Variants in DOCK11 observed in about 807,000 individuals in gnomAD.
DOCK11 encodes dedicator of cytokinesis 11, also known as dedicator of cytokinesis protein 11.
Under a neutral mutation model 169.1 loss-of-function variants are expected in DOCK11, and 70 were observed. The ratio of observed to expected loss-of-function variants is 0.41; its 90% confidence interval spans 0.34 to 0.51. The LOEUF is 0.51. Ranked by LOEUF, DOCK11 falls within the 20% of genes least tolerant of loss-of-function variation. The pLI is 0.10. For missense variants in DOCK11, 1,166 were observed against 1,538.8 expected (o/e 0.76, Z 4.05); for synonymous variants, 529 against 541.3 (o/e 0.98, Z 0.32).
intron 1 of DOCK11, among the ~76,000 whole-genome samples, chrX:118,528,017 G>T (rs143977380): frequency 8.9e-6 from 1 of 112,682 alleles, no homozygotes; most frequent in Non-Finnish European, 1.9e-5. Flanking sequence ...CATGTTGTTG[G>T]CATCATTGTG....
chrX:118,668,467 T>A (rs1451448577), intron 45 of DOCK11, among the ~76,000 whole-genome samples: 1 of 111,424 alleles, frequency 9.0e-6, no homozygotes, highest in Admixed American at 9.6e-5. Context: ...GTGCACCTTA[T>A]TTTTAATTCC....
chrX:118,645,038 A>T (rs1378679170), intron 40 of DOCK11, among the ~76,000 whole-genome samples: 1 of 112,086 alleles, frequency 8.9e-6, no homozygotes, highest in African/African-American at 3.2e-5. Context: ...AGACATGTTG[A>T]AAAAGGATTT....
chrX:118,498,805 C>T (rs1305191456), intron 1 of DOCK11, among the ~76,000 whole-genome samples: 9 of 110,268 alleles, frequency 8.2e-5, no homozygotes, highest in African/African-American at 2.6e-4. Context: ...CCTTGTTGGC[C>T]TGTTGCTAAC....
chrX:118,511,811 G>T (rs1413930396), intron 1 of DOCK11, among the ~76,000 whole-genome samples: 1 of 112,078 alleles, frequency 8.9e-6, no homozygotes, highest in African/African-American at 3.2e-5. Flanking sequence ...CCTGGCTGAG[G>T]GAGAAGACAG....
rs143925224 is a variant in DOCK11, at chrX:118,607,792, C to T, written c.2682-280C>T. Among the ~76,000 whole-genome samples the T allele has an allele frequency of 5.9e-3, 662 of 112,055 alleles. 5 individuals are homozygous for T. Among genetic ancestry groups the T allele is most frequent in the African/African-American group, 0.021 (635 of 30,836 alleles). ...CTGGATAGTAGCTACCACCATGCTT[C>T]AGACACATACAGAGATTTAGAAACA... On this transcript the variant is annotated intron_variant, in intron 24 of 52. Transcript: ENST00000276202.
chrX:118,564,463 G>A (rs1329414572), intron 7 of DOCK11, among the ~76,000 whole-genome samples: 1 of 111,828 alleles, frequency 8.9e-6, no homozygotes, highest in African/African-American at 3.3e-5. Flanking sequence ...TCATGACAGA[G>A]AAGGTGGTAA....
chrX:118,519,285 C>T (rs911425512), intron 1 of DOCK11, among the ~76,000 whole-genome samples: 11 of 112,145 alleles, frequency 9.8e-5, no homozygotes, highest in African/African-American at 2.3e-4. Context: ...CGGTGGCTCA[C>T]GCCTGTAATC....
chrX:118,560,144 C>T (rs984979644), intron 6 of DOCK11, among the ~76,000 whole-genome samples: 1 of 110,671 alleles, frequency 9.0e-6, no homozygotes, highest in Non-Finnish European at 1.9e-5. Flanking sequence ...GATATTTATA[C>T]AAGTCAAAAA....
chrX:118,685,260 A>G (rs1453477778), intron 52 of DOCK11, among the ~76,000 whole-genome samples: 1 of 111,898 alleles, frequency 8.9e-6, no homozygotes, highest in East Asian at 2.8e-4. Context: ...ATTATTTTCA[A>G]GTCTCCAGGG....
intron 41 of DOCK11, 78 bp from the exon 42 acceptor site, chrX:118,651,886 A>G (rs1213034653): frequency 1.5e-6 from 1 of 665,632 alleles, no homozygotes; most frequent in Non-Finnish European, 2.3e-6. Flanking sequence ...GTGAGTGCTT[A>G]TATACTTATA....
intron 23 of DOCK11, among the ~76,000 whole-genome samples, chrX:118,601,362 T>A (rs1259593328): frequency 9.5e-6 from 1 of 105,212 alleles, no homozygotes. Flanking sequence ...AGGTTGAGTC[T>A]CCAGTAAACT....
chrX:118,627,362 A>T lies in DOCK11; in HGVS notation c.3589-142A>T, dbSNP rs1038996686. The T allele has an allele frequency of 1.1e-5, 5 of 473,449 alleles. No individual in the cohort carries two copies. In the African/African-American group the frequency reaches 1.2e-4, roughly 12 times the overall value. 39.0% of individuals were successfully genotyped at this position (473,449 alleles called of 1,213,427 possible). A position where few individuals can be genotyped will look rare whatever the true frequency, so the allele number is the denominator to read the frequency against. On this transcript the variant is annotated intron_variant, in intron 32 of 52. Transcript: ENST00000276202. ...TTTTTTTTTTAAAAAAGAGTCACCT[A>T]AATACTAATTACTAGTATCTGATTT...
intron 1 of DOCK11, among the ~76,000 whole-genome samples, chrX:118,539,042 A>G (rs190012155): frequency 3.0e-4 from 33 of 111,623 alleles, no homozygotes; most frequent in African/African-American, 1.1e-3. Context: ...GGAGAGATGA[A>G]TCCTGATTCA....
At chrX:118,579,031 G>A (rs890617915) in intron 13 of DOCK11, among the ~76,000 whole-genome samples, 4 of 112,053 alleles carry the variant, frequency 3.6e-5, no homozygotes, top group Non-Finnish European at 7.5e-5. Context: ...ATTTACTCCT[G>A]TCTGTGATGA....
intron 40 of DOCK11, among the ~76,000 whole-genome samples, chrX:118,647,528 A>G (rs1160034060): frequency 4.0e-5 from 3 of 74,873 alleles, no homozygotes; most frequent in Non-Finnish European, 7.2e-5. Flanking sequence ...AATATATAAT[A>G]TAATATTATA....
At chrX:118,544,469 A>C (rs1450378019) in intron 4 of DOCK11, among the ~76,000 whole-genome samples, 1 of 109,836 alleles carries the variant, frequency 9.1e-6, no homozygotes, top group African/African-American at 3.3e-5. Flanking sequence ...GGAATAAGAC[A>C]TTTGTTTAGC....
chrX:118,587,048 G>T lies in DOCK11; in HGVS notation c.1796-1089G>T, dbSNP rs2013837817. On this transcript the variant is annotated intron_variant, in intron 16 of 52. Transcript: ENST00000276202. ...AGCAATTTGAAATCTAGGCAGAAAT[G>T]GATCCATAAAGATGTTCTTTGCAGT... Among the ~76,000 whole-genome samples the T allele has an allele frequency of 3.6e-5, 4 of 112,034 alleles. 1 individual carries two copies. Among genetic ancestry groups the T allele is most frequent in the Admixed American group, 2.8e-4 (3 of 10,577 alleles).
chrX:118,671,262 T>TGAA, intron 46 of DOCK11, 117 bp downstream of exon 46: 2 of 623,992 alleles, frequency 3.2e-6, no homozygotes, highest in Non-Finnish European at 4.7e-6. Flanking sequence ...AATATAAGGT[T>TGAA]CATTACATTA....
In DOCK11 at chrX:118,584,869, G is replaced by C. The variant is rs1802667905; in HGVS notation, c.1718+12G>C. 1 of 1,183,119 alleles carries C rather than the reference G, an allele frequency of 8.5e-7. No homozygotes were observed. The highest frequency in any genetic ancestry group is 1.9e-5 in the South Asian group (1 of 52,149). ...TCAGAATATAAGAAGTAAGTGTTTG[G>C]TGTTTCTGCAATAAGTAAATATAAT... is the stretch of plus-strand genomic sequence containing the variant. On this transcript the variant is annotated intron_variant, in intron 15 of 52. Transcript: ENST00000276202.
Sources: gnomAD v4.1 joint callset for allele counts (sites outside exome capture counted in the v4.1 genomes callset) on GRCh38, gnomAD v4.1.1 for gene constraint, MANE v1.5 for transcripts, NCBI Gene and HGNC (gene_info 2026-07-23, HGNC 2026-07-21) for gene names.